The following NHS variants were observed in gnomAD, a reference collection of about 807,000 sequenced individuals.
The protein encoded by NHS is NHS actin remodeling regulator.
A neutral mutation model predicts 72.5 loss-of-function variants in NHS; 5 were observed. That is an observed-to-expected ratio of 0.07 (90% CI 0.04 to 0.14). The LOEUF (loss-of-function observed/expected upper bound fraction) is 0.14. NHS is among the 10% of genes least tolerant of loss of function. The pLI, the probability that NHS is intolerant of heterozygous loss-of-function variation, is 1.00. For missense variants in NHS, 1,072 were observed against 1,355.7 expected, an observed-to-expected ratio of 0.79 and a Z score of 3.29; for synonymous variants, 464 against 547.7, an observed-to-expected ratio of 0.85 and a Z score of 2.13.
At chrX:17,624,156 G>A (rs1422378283) in intron 1 of NHS, among the ~76,000 whole-genome samples, 1 of 112,449 alleles carries the variant, frequency 8.9e-6, no homozygotes, top group Non-Finnish European at 1.9e-5. Context: ...CTCCCCGCAA[G>A]CTGCCTACCT....
At chrX:17,591,631 G>T (rs2065603381) in intron 1 of NHS, among the ~76,000 whole-genome samples, 1 of 111,366 alleles carries the variant, frequency 9.0e-6, no homozygotes, top group African/African-American at 3.3e-5. Context: ...ATTGCCCGAG[G>T]TGCACCAACT....
chrX:17,599,239 A>G (rs768592880), intron 1 of NHS, among the ~76,000 whole-genome samples: 3 of 111,954 alleles, frequency 2.7e-5, no homozygotes, highest in Non-Finnish European at 5.6e-5. Context: ...TCCATTGAGT[A>G]TATACCCAGA....
At chrX:17,723,729 G>GTC (rs1456063720) in intron 5 of NHS, among the ~76,000 whole-genome samples, 6 of 78,322 alleles carry the variant, frequency 7.7e-5, no homozygotes, top group African/African-American at 4.2e-4. Context: ...CAAAAGAGGT[G>GTC]TGTGTGTGTG....
intron 1 of NHS, among the ~76,000 whole-genome samples, chrX:17,642,802 G>A (rs2065888431): frequency 8.9e-6 from 1 of 112,508 alleles, no homozygotes; most frequent in South Asian, 3.6e-4. Flanking sequence ...ATTCACTCCG[G>A]TTATTTTGAT....
intron 3 of NHS, among the ~76,000 whole-genome samples, chrX:17,718,871 A>C (rs1251431305): frequency 1.1e-5 from 1 of 94,437 alleles, no homozygotes; most frequent in African/African-American, 4.0e-5. Context: ...AAGGTAGGAA[A>C]GAAGGAAGGA....
At chrX:17,621,055 C>G (rs926759156) in intron 1 of NHS, among the ~76,000 whole-genome samples, 2 of 112,393 alleles carry the variant, frequency 1.8e-5, no homozygotes, top group Non-Finnish European at 3.8e-5. Flanking sequence ...GAAGAATACT[C>G]TGCTGCTCTG....
chrX:17,567,491 G>A (rs1249424663), intron 1 of NHS, among the ~76,000 whole-genome samples: 1 of 111,715 alleles, frequency 9.0e-6, no homozygotes, highest in Non-Finnish European at 1.9e-5. Context: ...TCATCCATTC[G>A]AGAATGATCT....
chrX:17,449,759 C>T (rs188392027), intron 1 of NHS, among the ~76,000 whole-genome samples: 1 of 111,759 alleles, frequency 8.9e-6, no homozygotes, highest in East Asian at 2.8e-4. Flanking sequence ...TCTGTAAGAA[C>T]CAGAAGTGAT....
In NHS at chrX:17,395,950, A is replaced by G. The variant is rs577762576; in HGVS notation, c.565+19628A>G. Reference sequence around the variant, plus strand: ...ACAAACAACATTACTGTGCATTGGTATAGCAAACAACATTACAACTCATTG... The same window carrying G: ...ACAAACAACATTACTGTGCATTGGTGTAGCAAACAACATTACAACTCATTG... On this transcript the variant is annotated intron_variant, in intron 1 of 8. Coordinates refer to ENST00000676302, the MANE Select transcript of NHS (RefSeq NM_001291867.2). Among the ~76,000 whole-genome samples, 25 of 112,734 alleles carry G rather than the reference A, an allele frequency of 2.2e-4. No individual in the cohort carries two copies. In the South Asian group the frequency reaches 9.1e-3, roughly 41 times the overall value.
At chrX:17,711,300 A>G (rs760463456) in intron 3 of NHS, among the ~76,000 whole-genome samples, 8 of 111,234 alleles carry the variant, frequency 7.2e-5, no homozygotes, top group Admixed American at 1.9e-4. Flanking sequence ...TGTGTTCTTG[A>G]CAGTACAGAG....
chrX:17,539,247 G>T (rs1323498805), intron 1 of NHS, among the ~76,000 whole-genome samples: 2 of 110,631 alleles, frequency 1.8e-5, no homozygotes, highest in South Asian at 7.8e-4. Context: ...TGCCTTATTG[G>T]TTAGTGAGGC....
At position 17,566,537 on chromosome X, in the gene NHS, C is replaced by T. The variant is rs766185561; in HGVS notation, c.566-121205C>T. Among the ~76,000 whole-genome samples the T allele has an allele frequency of 1.3e-3, 143 of 111,417 alleles. 1 individual carries two copies. The highest frequency in any genetic ancestry group is 9.3e-3 in the Middle Eastern group (2 of 216). ...CGCAGGGTTTGGTCCCTGTTTGTTC[C>T]TCAGTAAATTTATGGACCAATGAAC... is the stretch of plus-strand genomic sequence containing the variant. On this transcript the variant is annotated intron_variant, in intron 1 of 8. Transcript: ENST00000676302.
At chrX:17,593,706 G>C (rs1443645069) in intron 1 of NHS, among the ~76,000 whole-genome samples, 1 of 111,788 alleles carries the variant, frequency 8.9e-6, no homozygotes, top group Non-Finnish European at 1.9e-5. Flanking sequence ...CAAAGGTAGA[G>C]GTATGCAGCT....
Position 17,536,179 on chromosome X carries a change from C to T in NHS, c.566-151563C>T, listed in dbSNP as rs770813517. ...GACCATCCTGGCTAACACAGTGAAA[C>T]CCCGTCTCTGCTAAAAATGCAAAAA... On this transcript the variant is annotated intron_variant, in intron 1 of 8. Transcript: ENST00000676302. Among the ~76,000 whole-genome samples the T allele has an allele frequency of 3.2e-3, 352 of 111,537 alleles. 1 individual carries two copies. Among genetic ancestry groups the T allele is most frequent in the African/African-American group, 0.011 (331 of 30,713 alleles).
At chrX:17,569,457 A>G (rs1487685948) in intron 1 of NHS, among the ~76,000 whole-genome samples, 2 of 110,595 alleles carry the variant, frequency 1.8e-5, no homozygotes, top group Admixed American at 1.9e-4. Context: ...TTGGCTGCAT[A>G]AATGTCTTCT....
At chrX:17,675,096 AG>A (rs1432236681) in intron 1 of NHS, among the ~76,000 whole-genome samples, 3 of 112,453 alleles carry the variant, frequency 2.7e-5, no homozygotes, top group African/African-American at 6.5e-5. Flanking sequence ...ATGTACCCAA[AG>A]GAATACACAG....
At chrX:17,423,639 T>C (rs1429419344) in intron 1 of NHS, among the ~76,000 whole-genome samples, 1 of 111,893 alleles carries the variant, frequency 8.9e-6, no homozygotes, top group Non-Finnish European at 1.9e-5. Flanking sequence ...CTGGCAATTC[T>C]ATCTGTCACT....
intron 1 of NHS, among the ~76,000 whole-genome samples, chrX:17,391,946 A>G (rs1048503737): frequency 1.8e-5 from 2 of 111,437 alleles, no homozygotes; most frequent in Admixed American, 9.5e-5. Flanking sequence ...CAGAGGGGAG[A>G]TTATGGATCT....
intron 3 of NHS, among the ~76,000 whole-genome samples, chrX:17,706,674 C>T (rs1013912224): frequency 1.8e-5 from 2 of 111,736 alleles, no homozygotes; most frequent in Non-Finnish European, 3.8e-5. Context: ...TCTAGAAGAT[C>T]ACAGAGAATC....
Sources: allele counts gnomAD v4.1 joint callset (sites outside exome capture counted in the v4.1 genomes callset), GRCh38; gene constraint gnomAD v4.1.1; transcripts MANE v1.5; gene names NCBI Gene and HGNC (gene_info 2026-07-23, HGNC 2026-07-21).